Variants in MKRN2OS observed in about 807,000 individuals in gnomAD.
MKRN2OS encodes the protein MKRN2 opposite strand protein.
MKRN2OS carries 17 observed loss-of-function variants against 18.2 expected under a neutral mutation model. That is an observed-to-expected ratio of 0.93 (90% CI 0.64 to 1.40). The LOEUF (loss-of-function observed/expected upper bound fraction) is 1.40, where lower values mean the gene tolerates loss of function less well. MKRN2OS is among the 40% of genes most tolerant of loss of function. MKRN2OS has a pLI of 0.00. For missense variants in MKRN2OS, 337 were observed against 283.0 expected (o/e 1.19, Z -1.37); for synonymous variants, 121 against 108.5 (o/e 1.12, Z -0.72).
chr3:12,549,234 C>T (rs985033504), upstream of MKRN2OS, among the ~76,000 whole-genome samples: 17 of 152,094 alleles, frequency 1.1e-4, no homozygotes, highest in African/African-American at 3.6e-4. Context: ...TGAGCCACCA[C>T]ACCTGGCCTA....
upstream of MKRN2OS, among the ~76,000 whole-genome samples, chr3:12,546,091 C>G (rs2057880266): frequency 6.6e-6 from 1 of 152,168 alleles, no homozygotes; most frequent in Non-Finnish European, 1.5e-5. Flanking sequence ...TGCACCAAGC[C>G]TAGAACTGTT....
At chr3:12,557,476 C>A (rs1450268951) in intron 1 of MKRN2OS, among the ~76,000 whole-genome samples, 1 of 152,184 alleles carries the variant, frequency 6.6e-6, no homozygotes, top group African/African-American at 2.4e-5. Flanking sequence ...GATGCCGGGG[C>A]GCTGTCGGGA....
upstream of MKRN2OS, among the ~76,000 whole-genome samples, chr3:12,550,438 TAGGC>T (rs1389086160): frequency 1.1e-4 from 16 of 152,292 alleles, no homozygotes; most frequent in African/African-American, 3.8e-4. Flanking sequence ...GAGGGATAAA[TAGGC>T]AGAGTACAGA....
chr3:12,557,183 G>A, intron 1 of MKRN2OS: 1 of 1,536,122 alleles, frequency 6.5e-7, no homozygotes, highest in Non-Finnish European at 8.7e-7. Flanking sequence ...GCAGGTCAGT[G>A]CGCTGGAGCC....
At chr3:12,557,032 T>TGCGCCGGCGTGCGCCGGCGG in intron 1 of MKRN2OS, 1 of 1,115,978 alleles carries the variant, frequency 9.0e-7, no homozygotes, top group Non-Finnish European at 1.1e-6. Flanking sequence ...AGGGGCGGCG[T>TGCGCCGGCGTGCGCCGGCGG]GCGCCGGCGT....
upstream of MKRN2OS, among the ~76,000 whole-genome samples, chr3:12,547,917 T>G (rs2057898581): frequency 6.6e-6 from 1 of 152,194 alleles, no homozygotes; most frequent in South Asian, 2.1e-4. Context: ...TCAGAAATCA[T>G]TTCAACCAAC....
chr3:12,540,208 G>C lies in MKRN2OS; in HGVS notation c.657C>G (p.Gly219=). The change falls in exon 4 of 4, where the codon GGC becomes GGG. Residue 219 remains glycine (G), a synonymous_variant. Transcript: ENST00000564146. ...TACATAGCTCTCAGCACAAACCGCC[G>C]CCCTCAGGGGGTTGTGCCTGCTGCT... ...CPQQQAQPPE[G]GGLC The C allele has an allele frequency of 5.2e-6, 8 of 1,536,116 alleles. No individual in the cohort carries two copies. Among genetic ancestry groups the C allele is most frequent in the Non-Finnish European group, 7.0e-6 (8 of 1,146,906 alleles).
At chr3:12,558,886 T>C (rs1277590495) in intron 1 of MKRN2OS, among the ~76,000 whole-genome samples, 2 of 152,196 alleles carry the variant, frequency 1.3e-5, no homozygotes, top group Non-Finnish European at 2.9e-5. Flanking sequence ...TAGTGTATAA[T>C]CCAGCAACCA....
In MKRN2OS at chr3:12,540,220, T is replaced by G. The variant is rs1363550293; in HGVS notation, c.645A>C (p.Gln215His). The change falls in exon 4 of 4, where the codon CAA (glutamine) becomes CAC (histidine). Residue 215 changes from glutamine to histidine, a missense_variant. By Grantham distance (24) the Gln-to-His change is conservative. Coordinates refer to ENST00000564146, the MANE Select transcript of MKRN2OS (RefSeq NM_001195279.2). ...AGCACAAACCGCCGCCCTCAGGGGG[T>G]TGTGCCTGCTGCTGGGGACAGTCAG... The part of the protein sequence containing the change: ...YVTDCPQQQA[Q>H]PPEGGGLC The G allele has an allele frequency of 6.5e-7, 1 of 1,536,042 alleles. No individual in the cohort carries two copies. Among genetic ancestry groups the G allele is most frequent in the East Asian group, 2.4e-5 (1 of 40,912 alleles).
chr3:12,560,707 G>A (rs934713815), intron 1 of MKRN2OS: 8 of 152,114 alleles, frequency 5.3e-5, no homozygotes, highest in African/African-American at 1.7e-4. Flanking sequence ...CAGTCTTTTG[G>A]GTTTACCCAG....
downstream of MKRN2OS, among the ~76,000 whole-genome samples, chr3:12,551,432 C>T (rs2057928812): frequency 6.6e-6 from 1 of 151,288 alleles, no homozygotes; most frequent in Non-Finnish European, 1.5e-5. Flanking sequence ...GAGGCGAAGG[C>T]TGTGGTGAGC....
chr3:12,552,414 AT>A (rs367692238), downstream of MKRN2OS, among the ~76,000 whole-genome samples: 15,063 of 142,184 alleles, frequency 0.11, 950 homozygotes, highest in African/African-American at 0.17. Flanking sequence ...TTAATTTTTA[AT>A]TTTTTTTTTT....
Position 12,540,330 on chromosome 3 carries a change from C to T in MKRN2OS, c.535G>A (p.Glu179Lys). ...CTTGTCCGCGGGACCACGTACTTCT[C>T]CGTAAATTCACCCTTGTCCAGTTGC... ...RQQLDKGEFT[E>K]KYVVPRTRLA... The change falls in exon 4 of 4, where the codon GAG becomes AAG. Residue 179 changes from glutamate to lysine, a missense_variant. Transcript: ENST00000564146. 1 of 1,536,088 alleles carries T rather than the reference C, an allele frequency of 6.5e-7. No homozygotes were observed. Among genetic ancestry groups the T allele is most frequent in the South Asian group, 1.2e-5 (1 of 84,068 alleles).
At chr3:12,544,397 G>A (rs897567263) in intron 1 of MKRN2OS, among the ~76,000 whole-genome samples, 3 of 152,026 alleles carry the variant, frequency 2.0e-5, no homozygotes, top group South Asian at 2.1e-4. Context: ...TAAACCTGGC[G>A]GGGCACAGTG....
At chr3:12,544,679 C>T (rs1051492363) in intron 1 of MKRN2OS, among the ~76,000 whole-genome samples, 3 of 89,772 alleles carry the variant, frequency 3.3e-5, no homozygotes, top group East Asian at 2.0e-4. Flanking sequence ...AACTCTGTCT[C>T]GGGGAAAAAA....
chr3:12,542,718 A>AC (rs888052834), intron 2 of MKRN2OS, among the ~76,000 whole-genome samples: 12 of 127,854 alleles, frequency 9.4e-5, no homozygotes, highest in African/African-American at 3.3e-4. Flanking sequence ...CCTTAAAAAA[A>AC]AAAAAAAAAA....
chr3:12,543,171 T>A lies in MKRN2OS; in HGVS notation c.268+9A>T, dbSNP rs1575503516. ...GTAGGGGTTTTTTAAGCTACAAAAC[T>A]GCACTTACCATTTGTGTTAGTTATT... On this transcript the variant is annotated intron_variant, in intron 2 of 3. Transcript: ENST00000564146. 2 of 1,534,912 alleles carry A rather than the reference T, an allele frequency of 1.3e-6. No homozygotes were observed. The highest frequency in any genetic ancestry group is 4.9e-5 in the East Asian group (2 of 40,904).
chr3:12,544,438 G>T (rs2057858148), intron 1 of MKRN2OS, among the ~76,000 whole-genome samples: 1 of 152,260 alleles, frequency 6.6e-6, no homozygotes, highest in African/African-American at 2.4e-5. Context: ...CACTCTGGGA[G>T]GCTGAGGCAG....
At chr3:12,555,273 C>T (rs562680428) in intron 1 of MKRN2OS, among the ~76,000 whole-genome samples, 1 of 144,510 alleles carries the variant, frequency 6.9e-6, no homozygotes, top group East Asian at 2.0e-4. Flanking sequence ...GAGCATGCCA[C>T]TGCACTCCAG....
Sources: gnomAD v4.1 joint callset for allele counts (sites outside exome capture counted in the v4.1 genomes callset) on GRCh38, gnomAD v4.1.1 for gene constraint, MANE v1.5 for transcripts, NCBI Gene and HGNC (gene_info 2026-07-23, HGNC 2026-07-21) for gene names.